CFAP61: variants seen among roughly 807,000 people sequenced by gnomAD.
CFAP61 encodes the protein cilia- and flagella-associated protein 61.
A neutral mutation model predicts 135.6 loss-of-function variants in CFAP61; 107 were observed. The ratio of observed to expected loss-of-function variants is 0.79; its 90% confidence interval spans 0.67 to 0.93. The LOEUF (loss-of-function observed/expected upper bound fraction) is 0.93, where lower values mean the gene tolerates loss of function less well. CFAP61 is among the 40% of genes least tolerant of loss of function. The pLI is 0.00. For synonymous variants in CFAP61, 575 were observed against 578.5 expected, an observed-to-expected ratio of 0.99 and a Z score of 0.09; for missense variants, 1,507 against 1,556.2, an observed-to-expected ratio of 0.97 and a Z score of 0.53.
At chr20:20,294,951 A>ATAATAG (rs2055305624) in intron 24 of CFAP61, among the ~76,000 whole-genome samples, 1 of 142,072 alleles carries the variant, frequency 7.0e-6, no homozygotes, top group South Asian at 2.1e-4. Flanking sequence ...AATAATAATA[A>ATAATAG]TAATAATAAT....
intron 25 of CFAP61, among the ~76,000 whole-genome samples, chr20:20,327,940 T>C (rs529586299): frequency 6.6e-6 from 1 of 152,340 alleles, no homozygotes; most frequent in South Asian, 2.1e-4. Context: ...TCAGCACTCA[T>C]CTGCCCCGGG....
intron 13 of CFAP61, among the ~76,000 whole-genome samples, chr20:20,172,524 C>T (rs1309491113): frequency 6.6e-6 from 1 of 152,088 alleles, no homozygotes; most frequent in Non-Finnish European, 1.5e-5. Flanking sequence ...CATCATGTTG[C>T]CCAGGCTTAT....
intron 20 of CFAP61, among the ~76,000 whole-genome samples, chr20:20,261,676 A>T (rs2052234267): frequency 6.6e-6 from 1 of 152,122 alleles, no homozygotes; most frequent in African/African-American, 2.4e-5. Context: ...TATAATAAAA[A>T]ATCAGGAGTC....
intron 24 of CFAP61, among the ~76,000 whole-genome samples, chr20:20,297,283 G>A (rs2055713790): frequency 6.6e-6 from 1 of 152,176 alleles, no homozygotes; most frequent in South Asian, 2.1e-4. Flanking sequence ...AGTTCAAATT[G>A]CCTTGGATTT....
chr20:20,116,110 T>C (rs529146153), intron 8 of CFAP61, among the ~76,000 whole-genome samples: 2 of 152,312 alleles, frequency 1.3e-5, no homozygotes, highest in East Asian at 1.9e-4. Flanking sequence ...CATCATCTGA[T>C]ACTTTTTTGA....
At chr20:20,275,020 G>A (rs929787302) in intron 21 of CFAP61, among the ~76,000 whole-genome samples, 9 of 121,258 alleles carry the variant, frequency 7.4e-5, no homozygotes, top group African/African-American at 1.6e-4. Context: ...CCTCACTCCC[G>A]TGCTCATGGG....
At chr20:20,191,176 G>A (rs555503612) in intron 14 of CFAP61, among the ~76,000 whole-genome samples, 166 bp from the exon 15 acceptor site, 3 of 152,056 alleles carry the variant, frequency 2.0e-5, no homozygotes, top group Admixed American at 6.5e-5. Context: ...GTGAGGATCC[G>A]GTGGACATAG....
chr20:20,335,841 A>G (rs560966074), intron 25 of CFAP61, among the ~76,000 whole-genome samples: 1 of 152,264 alleles, frequency 6.6e-6, no homozygotes, highest in Non-Finnish European at 1.5e-5. Context: ...TGCTAGAAAG[A>G]CTCGGGAAAA....
intron 18 of CFAP61, among the ~76,000 whole-genome samples, chr20:20,244,284 T>C (rs1442335051): frequency 6.6e-6 from 1 of 152,210 alleles, no homozygotes; most frequent in Non-Finnish European, 1.5e-5. Context: ...CCTTCCACAC[T>C]GCCCTAGCAG....
intron 25 of CFAP61, among the ~76,000 whole-genome samples, chr20:20,305,556 A>G (rs1474915355): frequency 6.6e-6 from 1 of 152,038 alleles, no homozygotes; most frequent in Non-Finnish European, 1.5e-5. Context: ...GTGGATGGTA[A>G]TTCTCCCAAT....
At chr20:20,182,032 C>T (rs2055139081) in intron 13 of CFAP61, among the ~76,000 whole-genome samples, 1 of 152,190 alleles carries the variant, frequency 6.6e-6, no homozygotes, top group South Asian at 2.1e-4. Flanking sequence ...TGAAGTCCTG[C>T]CAGGCCTAAG....
intron 22 of CFAP61, among the ~76,000 whole-genome samples, chr20:20,288,188 C>A (rs76068207): frequency 5.0e-4 from 76 of 152,222 alleles, no homozygotes; most frequent in African/African-American, 1.8e-3. Context: ...TGGATGAGAT[C>A]AACCCAAGAA....
intron 13 of CFAP61, among the ~76,000 whole-genome samples, chr20:20,178,740 T>G (rs901926680): frequency 3.0e-4 from 45 of 152,168 alleles, no homozygotes; most frequent in Admixed American, 9.2e-4. Context: ...AAATTACCAT[T>G]GTTCCTATTT....
intron 2 of CFAP61, among the ~76,000 whole-genome samples, chr20:20,067,797 C>T (rs1600404643): frequency 6.9e-6 from 1 of 144,060 alleles, no homozygotes; most frequent in African/African-American, 2.6e-5. Context: ...TATATACCTA[C>T]CTTCTCCCTC....
At chr20:20,345,229 A>G (rs1410699152) in intron 26 of CFAP61, among the ~76,000 whole-genome samples, 1 of 152,192 alleles carries the variant, frequency 6.6e-6, no homozygotes. Flanking sequence ...AATTTATTTT[A>G]TATTCTAAGA....
chr20:20,358,703 T>C (rs1175972365), intron 26 of CFAP61, among the ~76,000 whole-genome samples: 1 of 152,238 alleles, frequency 6.6e-6, no homozygotes, highest in Non-Finnish European at 1.5e-5. Flanking sequence ...CTTTCCAATG[T>C]GTGCATAATC....
intron 23 of CFAP61, 53 bp downstream of exon 23, chr20:20,288,989 C>A: frequency 7.1e-7 from 1 of 1,417,898 alleles, no homozygotes; most frequent in South Asian, 1.3e-5. Context: ...AGGTATGGCT[C>A]AGCAGTCAGG....
At chr20:20,245,517 C>T (rs117754493) in intron 18 of CFAP61, among the ~76,000 whole-genome samples, 9 of 152,300 alleles carry the variant, frequency 5.9e-5, no homozygotes, top group South Asian at 2.1e-4. Flanking sequence ...TCCCATGATT[C>T]GGTTACCTCT....
intron 24 of CFAP61, among the ~76,000 whole-genome samples, chr20:20,292,550 C>T (rs1403529125): frequency 6.6e-6 from 1 of 152,190 alleles, no homozygotes; most frequent in Non-Finnish European, 1.5e-5. Context: ...TGTCTCTGCT[C>T]CACACTATTC....
Sources: gnomAD v4.1 joint callset for allele counts (sites outside exome capture counted in the v4.1 genomes callset) on GRCh38, gnomAD v4.1.1 for gene constraint, MANE v1.5 for transcripts, NCBI Gene and HGNC (gene_info 2026-07-23, HGNC 2026-07-21) for gene names.